Variants in EXOC2 observed in about 807,000 individuals in gnomAD.
EXOC2 encodes exocyst complex component 2, also known as SEC5-like 1.
EXOC2 carries 70 observed loss-of-function variants against 131.8 expected under a neutral mutation model. That is an observed-to-expected ratio of 0.53 (90% CI 0.44 to 0.65). The LOEUF is 0.65. EXOC2 is among the 30% of genes least tolerant of loss of function. EXOC2 has a pLI of 0.00. For missense variants in EXOC2, 923 were observed against 1,108.6 expected, an observed-to-expected ratio of 0.83 and a Z score of 2.38; for synonymous variants, 411 against 398.4, an observed-to-expected ratio of 1.03 and a Z score of -0.38.
At chr6:599,261 G>C (rs771517019) in intron 7 of EXOC2, 36 bp from the exon 8 acceptor site, 16 of 1,502,820 alleles carry the variant, frequency 1.1e-5, no homozygotes, top group Admixed American at 2.2e-5. Context: ...TTAGATGAAA[G>C]CTGATTTTAA....
chr6:547,369 C>T (rs565380412), intron 22 of EXOC2, among the ~76,000 whole-genome samples: 3 of 152,324 alleles, frequency 2.0e-5, no homozygotes, highest in African/African-American at 7.2e-5. Context: ...CCCTGGCTCA[C>T]ACCAGAGGAG....
chr6:556,238 C>T (rs910966445), intron 18 of EXOC2, among the ~76,000 whole-genome samples: 14 of 152,138 alleles, frequency 9.2e-5, no homozygotes, highest in Non-Finnish European at 1.5e-5. Context: ...AAGAGCCAGG[C>T]CCATCAATAG....
intron 1 of EXOC2, among the ~76,000 whole-genome samples, chr6:665,071 G>A (rs1415653485): frequency 6.6e-6 from 1 of 151,874 alleles, no homozygotes; most frequent in African/African-American, 2.4e-5. Flanking sequence ...CTACAATGAA[G>A]TCAAACAAAT....
chr6:546,051 T>C (rs919122540), intron 22 of EXOC2, among the ~76,000 whole-genome samples: 8 of 152,168 alleles, frequency 5.3e-5, no homozygotes, highest in African/African-American at 1.7e-4. Context: ...TATAAAGTCA[T>C]GGTTACTATA....
At chr6:539,902 T>C (rs541278803) in intron 22 of EXOC2, among the ~76,000 whole-genome samples, 1 of 152,350 alleles carries the variant, frequency 6.6e-6, no homozygotes, top group South Asian at 2.1e-4. Context: ...CATTCCTTTA[T>C]ATTACTGAAC....
At chr6:596,142 C>T (rs188062935) in intron 10 of EXOC2, among the ~76,000 whole-genome samples, 96 of 152,026 alleles carry the variant, frequency 6.3e-4, no homozygotes, top group African/African-American at 2.2e-3. Flanking sequence ...AGCGCCTGAG[C>T]ATGCTGCACA....
At chr6:518,862 A>G (rs1306113463) in intron 23 of EXOC2, among the ~76,000 whole-genome samples, 9 of 152,212 alleles carry the variant, frequency 5.9e-5, no homozygotes, top group African/African-American at 2.2e-4. Context: ...CAAACTTCGT[A>G]AATGTAATTC....
chr6:543,969 G>C (rs971394874), intron 22 of EXOC2, among the ~76,000 whole-genome samples: 1 of 152,210 alleles, frequency 6.6e-6, no homozygotes, highest in Admixed American at 6.5e-5. Flanking sequence ...TGAAGCTGTG[G>C]AGGCAGATGA....
At chr6:670,688 T>C (rs1763823634) in intron 1 of EXOC2, among the ~76,000 whole-genome samples, 1 of 152,226 alleles carries the variant, frequency 6.6e-6, no homozygotes. Flanking sequence ...TTCCTTTCTC[T>C]TTAATCTCTG....
At chr6:488,917 T>A (rs1005771339) in intron 27 of EXOC2, 62 bp downstream of exon 27, 2 of 1,504,708 alleles carry the variant, frequency 1.3e-6, no homozygotes, top group Non-Finnish European at 1.8e-6. Flanking sequence ...AAAGGTATTT[T>A]AGGAAACAAA....
At chr6:622,103 G>T (rs956831294) in intron 4 of EXOC2, among the ~76,000 whole-genome samples, 5 of 152,222 alleles carry the variant, frequency 3.3e-5, no homozygotes, top group African/African-American at 2.4e-5. Flanking sequence ...CAGCTAGAAA[G>T]AATGACATGA....
intron 26 of EXOC2, 107 bp from the exon 27 acceptor site, chr6:489,145 C>T (rs1763271959): frequency 3.0e-6 from 3 of 985,572 alleles, no homozygotes; most frequent in African/African-American, 3.3e-5. Context: ...GCCAGTGAAG[C>T]AAGGAAATAT....
intron 1 of EXOC2, 141 bp from the exon 2 acceptor site, chr6:638,002 C>CCAAT: frequency 1.8e-6 from 1 of 570,076 alleles, no homozygotes; most frequent in Non-Finnish European, 3.0e-6. Context: ...GGTCATTTAG[C>CCAAT]CAATCAGCCA....
intron 22 of EXOC2, among the ~76,000 whole-genome samples, chr6:548,406 T>G (rs1581413810): frequency 6.6e-6 from 1 of 152,238 alleles, no homozygotes; most frequent in East Asian, 1.9e-4. Context: ...AAAGTGGTAC[T>G]AGCATAGTTT....
chr6:614,297 C>T (rs764863714), intron 6 of EXOC2, among the ~76,000 whole-genome samples: 8 of 152,136 alleles, frequency 5.3e-5, no homozygotes, highest in Admixed American at 1.3e-4. Context: ...GTCCATGTGA[C>T]GGGGCCGTAC....
chr6:691,865 A>C (rs1764942286), intron 1 of EXOC2, among the ~76,000 whole-genome samples: 4 of 152,254 alleles, frequency 2.6e-5, no homozygotes. Flanking sequence ...TTAAGTTTCT[A>C]CTTAGACAAA....
At chr6:683,662 G>A (rs1025680574) in intron 1 of EXOC2, among the ~76,000 whole-genome samples, 2 of 152,212 alleles carry the variant, frequency 1.3e-5, no homozygotes, top group South Asian at 2.1e-4. Context: ...TATGAGCAAA[G>A]TTGGATTAAT....
chr6:544,870 G>T (rs957662465), intron 22 of EXOC2, among the ~76,000 whole-genome samples: 4 of 152,142 alleles, frequency 2.6e-5, no homozygotes, highest in Non-Finnish European at 5.9e-5. Flanking sequence ...ACTTCAGGCC[G>T]GGCGCGGTGG....
chr6:523,844 C>A (rs1252473727), intron 23 of EXOC2, among the ~76,000 whole-genome samples: 1 of 152,200 alleles, frequency 6.6e-6, no homozygotes, highest in Admixed American at 6.5e-5. Flanking sequence ...CTAAATTCCT[C>A]TTAAAAATGT....
Sources: allele counts gnomAD v4.1 joint callset (sites outside exome capture counted in the v4.1 genomes callset), GRCh38; gene constraint gnomAD v4.1.1; transcripts MANE v1.5; gene names NCBI Gene and HGNC (gene_info 2026-07-23, HGNC 2026-07-21).